Variants in ATG14 observed in about 807,000 individuals in gnomAD.
ATG14 encodes beclin 1-associated autophagy-related key regulator.
In ATG14, 35 loss-of-function variants were observed where a neutral mutation model predicts 60.4. The observed-to-expected ratio is 0.58, with a 90% CI of 0.44 to 0.77. The LOEUF is 0.77. Among genes scored for constraint, ATG14 ranks in the 30% least tolerant of loss-of-function variants. The pLI is 0.00. For synonymous variants in ATG14, 234 were observed against 228.8 expected (o/e 1.02, Z -0.21); for missense variants, 647 against 626.3 (o/e 1.03, Z -0.35).
At chr14:55,408,137 A>C (rs2140155237) in intron 1 of ATG14, among the ~76,000 whole-genome samples, 1 of 152,304 alleles carries the variant, frequency 6.6e-6, no homozygotes, top group East Asian at 1.9e-4. Context: ...CATTTACAAA[A>C]TGAAATAAAC....
intron 1 of ATG14, among the ~76,000 whole-genome samples, chr14:55,405,464 T>G (rs1296457692): frequency 1.3e-5 from 2 of 152,228 alleles, no homozygotes; most frequent in Non-Finnish European, 2.9e-5. Flanking sequence ...AATTATAAAG[T>G]AGTATCTATA....
At chr14:55,385,190 A>G (rs572760868) in intron 5 of ATG14, among the ~76,000 whole-genome samples, 23 of 152,342 alleles carry the variant, frequency 1.5e-4, no homozygotes, top group Admixed American at 1.4e-3. Context: ...TTAAATCCCC[A>G]TTTATCAGAC....
In ATG14 at chr14:55,386,068, T is replaced by G; in HGVS notation, c.438A>C (p.Glu146Asp). ...CTCGACTGTAAAGCTTCTGATTCTTTTCCTTGGTTTTGAGAAGGCCTTCAG... is the reference window on the plus strand; with the variant it reads ...CTCGACTGTAAAGCTTCTGATTCTTGTCCTTGGTTTTGAGAAGGCCTTCAG... Reference protein sequence around the residue: ...KNSEGLLKTKEKNQKLYSRAQ... With the variant: ...KNSEGLLKTKDKNQKLYSRAQ... Residue 146 changes from glutamate to aspartate, a missense_variant, in exon 5 of 10, where the codon GAA (glutamate) becomes GAC (aspartate). Transcript: ENST00000247178. The G allele has an allele frequency of 6.2e-7, 1 of 1,610,982 alleles. No homozygotes were observed. Among genetic ancestry groups the G allele is most frequent in the Non-Finnish European group, 8.5e-7 (1 of 1,179,308 alleles).
intron 4 of ATG14, 138 bp downstream of exon 4, chr14:55,390,773 T>C (rs1885201029): frequency 6.3e-6 from 4 of 633,682 alleles, no homozygotes; most frequent in Non-Finnish European, 1.1e-5. Context: ...CAAGGAAAGA[T>C]GAGGGCGAGT....
chr14:55,391,902 CAAGT>C, intron 3 of ATG14, among the ~76,000 whole-genome samples: 2 of 152,118 alleles, frequency 1.3e-5, no homozygotes, highest in Admixed American at 6.5e-5. Context: ...GTGCATAACT[CAAGT>C]AAGATTTCCT....
At position 55,369,789 on chromosome 14, in the gene ATG14, T is replaced by C; in HGVS notation, c.1309A>G (p.Asn437Asp). 1.9e-6 allele frequency: 3 copies of C among 1,614,122 alleles called. No homozygotes were observed. Among genetic ancestry groups the C allele is most frequent in the Non-Finnish European group, 2.5e-6 (3 of 1,180,026 alleles). ...TCACAAAACCGGGGACTAGGCAAGTTCTCCCAGTCTGTGCCCAGGTCGGTT... is the reference window on the plus strand; with the variant it reads ...TCACAAAACCGGGGACTAGGCAAGTCCTCCCAGTCTGTGCCCAGGTCGGTT... ...EETDLGTDWE[N>D]LPSPRFCDIP... The change falls in exon 10 of 10, where the codon AAC (asparagine) becomes GAC (aspartate). Residue 437 changes from asparagine (N) to aspartate (D), a missense_variant. Transcript: ENST00000247178.
intron 9 of ATG14, among the ~76,000 whole-genome samples, chr14:55,376,753 T>C (rs1254899717): frequency 6.6e-6 from 1 of 152,208 alleles, no homozygotes; most frequent in Non-Finnish European, 1.5e-5. Context: ...TCTTGAGTTC[T>C]CTTTCAAAAG....
At chr14:55,390,850 A>T in intron 4 of ATG14, 61 bp downstream of exon 4, 1 of 1,170,118 alleles carries the variant, frequency 8.5e-7, no homozygotes, top group Non-Finnish European at 1.2e-6. Flanking sequence ...TAGTTTATTA[A>T]TCCCATGAAA....
intron 1 of ATG14, among the ~76,000 whole-genome samples, chr14:55,405,968 G>A (rs1340528842): frequency 1.3e-5 from 2 of 152,096 alleles, no homozygotes; most frequent in East Asian, 1.9e-4. Context: ...TGGGGGATGA[G>A]GAAAGGATGA....
intron 5 of ATG14, among the ~76,000 whole-genome samples, chr14:55,384,252 C>T (rs1027537947): frequency 7.2e-5 from 11 of 152,196 alleles, no homozygotes; most frequent in South Asian, 2.1e-4. Context: ...ATTTTCTCCT[C>T]GTGTGTGTAT....
chr14:55,400,186 C>T (rs1182009639), intron 1 of ATG14, among the ~76,000 whole-genome samples: 1 of 152,186 alleles, frequency 6.6e-6, no homozygotes, highest in Non-Finnish European at 1.5e-5. Flanking sequence ...CTGCAGTCTC[C>T]ATCCCACCAC....
intron 1 of ATG14, 144 bp downstream of exon 1, chr14:55,411,458 C>A (rs1407024992): frequency 2.4e-6 from 2 of 823,872 alleles, no homozygotes; most frequent in Non-Finnish European, 3.7e-6. Context: ...AGCTCCGGTG[C>A]AGAGCAGCTA....
At chr14:55,371,896 G>T (rs1411567266) in intron 9 of ATG14, among the ~76,000 whole-genome samples, 1 of 152,272 alleles carries the variant, frequency 6.6e-6, no homozygotes, top group East Asian at 1.9e-4. Context: ...TATTTTGCAA[G>T]GGTGAAAGGA....
intron 1 of ATG14, among the ~76,000 whole-genome samples, chr14:55,397,943 C>CTTTTTTTT (rs928087584): frequency 5.7e-5 from 6 of 105,544 alleles, no homozygotes; most frequent in Non-Finnish European, 7.4e-5. Flanking sequence ...TGCAGTAATT[C>CTTTTTTTT]TTTTTTTTTT....
intron 1 of ATG14, among the ~76,000 whole-genome samples, chr14:55,402,375 C>T (rs887892755): frequency 6.6e-6 from 1 of 151,550 alleles, no homozygotes; most frequent in African/African-American, 2.4e-5. Flanking sequence ...AATTGAGGGC[C>T]TAAAAAAAAA....
At chr14:55,406,504 C>T (rs1410220667) in intron 1 of ATG14, among the ~76,000 whole-genome samples, 2 of 152,164 alleles carry the variant, frequency 1.3e-5, no homozygotes, top group East Asian at 1.9e-4. Flanking sequence ...CAACCTGTGG[C>T]CCTCAGAGTT....
chr14:55,409,935 C>T (rs1253253527), intron 1 of ATG14, among the ~76,000 whole-genome samples: 1 of 151,956 alleles, frequency 6.6e-6, no homozygotes, highest in Non-Finnish European at 1.5e-5. Context: ...GTAGATTGGA[C>T]CAGGTGATGG....
At position 55,411,724 on chromosome 14, in the gene ATG14, C is replaced by T. The variant is rs562774156; in HGVS notation, c.99G>A (p.Ala33=). The part of the protein sequence containing the change: ...ARDLVDSVDD[A]EGLYVAVERC... ...GCTCCACAGCCACGTACAGCCCCTC[C>T]GCATCGTCCACGGAGTCCACCAGGT... is the stretch of plus-strand genomic sequence containing the variant. Residue 33 remains alanine, a synonymous_variant, in exon 1 of 10, where the codon GCG becomes GCA. Coordinates refer to ENST00000247178, the MANE Select transcript of ATG14 (RefSeq NM_014924.5). 9 of 1,612,144 alleles carry T rather than the reference C, an allele frequency of 5.6e-6. No homozygotes were observed. Among genetic ancestry groups the T allele is most frequent in the Admixed American group, 3.3e-5 (2 of 59,866 alleles).
rs71131262 is a variant in ATG14, at chr14:55,402,926, AATATATATATATATATATATAT to A, written c.222-5514_222-5493del. Among the ~76,000 whole-genome samples the A allele has an allele frequency of 6.5e-3, 107 of 16,394 alleles. 2 individuals carry two copies. Among genetic ancestry groups the A allele is most frequent in the African/African-American group, 8.2e-3 (32 of 3,904 alleles). The allele number at this position is 16,394 out of a possible 152,430, so 10.8% of individuals were successfully genotyped here. On this transcript the variant is annotated intron_variant, in intron 1 of 9. Coordinates refer to ENST00000247178, the MANE Select transcript of ATG14 (RefSeq NM_014924.5). ...AAAAAAAAAAAAAAAAAAAAAAAAAAATATATATATATATATATATATATATATATATATATATATATAAATA... is the reference window on the plus strand; with the variant it reads ...AAAAAAAAAAAAAAAAAAAAAAAAAAATATATATATATATATATATAAATA...
Sources: gnomAD v4.1 joint callset for allele counts (sites outside exome capture counted in the v4.1 genomes callset) on GRCh38, gnomAD v4.1.1 for gene constraint, MANE v1.5 for transcripts, NCBI Gene and HGNC (gene_info 2026-07-23, HGNC 2026-07-21) for gene names.